Variants in PRKN observed in about 807,000 individuals in gnomAD.
PRKN encodes the protein parkin RBR E3 ubiquitin protein ligase.
In PRKN, 56 loss-of-function variants were observed where a neutral mutation model predicts 59.5. The ratio of observed to expected loss-of-function variants is 0.94; its 90% CI spans 0.76 to 1.18. The LOEUF (loss-of-function observed/expected upper bound fraction) is 1.18. PRKN is among the 50% of genes most tolerant of loss of function. The probability of loss-of-function intolerance (pLI) is 0.00; values close to 1 mark genes in which losing one functional copy is unlikely to be tolerated. For missense variants in PRKN, 657 were observed against 596.4 expected (o/e 1.10, Z -1.06); for synonymous variants, 250 against 222.1 (o/e 1.13, Z -1.12).
chr6:161,521,423 C>G (rs11967382), intron 9 of PRKN, among the ~76,000 whole-genome samples: 4 of 152,080 alleles, frequency 2.6e-5, no homozygotes, highest in Non-Finnish European at 1.5e-5. Context: ...TATGCAGAAA[C>G]TCAACTGCAC....
intron 1 of PRKN, among the ~76,000 whole-genome samples, chr6:162,604,095 A>G (rs1781811120): frequency 6.6e-6 from 1 of 152,134 alleles, no homozygotes; most frequent in African/African-American, 2.4e-5. Context: ...TGAGGACCAC[A>G]CTGCACCGCA....
chr6:162,262,872 G>A, intron 2 of PRKN, 107 bp from the exon 3 acceptor site: 9 of 1,442,960 alleles, frequency 6.2e-6, no homozygotes, highest in Non-Finnish European at 8.5e-6. Flanking sequence ...AAGCAAAAGT[G>A]ACATGTAACT....
intron 1 of PRKN, among the ~76,000 whole-genome samples, chr6:162,565,904 T>C (rs9458602): frequency 0.22 from 33,994 of 151,722 alleles, 4,540 homozygotes; most frequent in African/African-American, 0.38. Context: ...TCTATGCTAA[T>C]GGAAAACAAA....
chr6:162,234,923 G>A (rs1008284652), intron 3 of PRKN, among the ~76,000 whole-genome samples: 4 of 152,198 alleles, frequency 2.6e-5, no homozygotes, highest in Admixed American at 6.5e-5. Context: ...TGGGTGGTAA[G>A]TGATATTAAT....
intron 5 of PRKN, among the ~76,000 whole-genome samples, chr6:162,051,636 G>A (rs1243595666): frequency 6.6e-6 from 1 of 152,136 alleles, no homozygotes; most frequent in Non-Finnish European, 1.5e-5. Context: ...GGCCTTCGGG[G>A]GCGATGATGG....
chr6:161,515,312 C>A (rs1259683176), intron 9 of PRKN, among the ~76,000 whole-genome samples: 2 of 152,170 alleles, frequency 1.3e-5, no homozygotes, highest in Non-Finnish European at 1.5e-5. Context: ...CCAATAATAA[C>A]ACCGTATTAA....
chr6:162,429,231 T>C (rs1789390932), intron 2 of PRKN, among the ~76,000 whole-genome samples: 1 of 152,192 alleles, frequency 6.6e-6, no homozygotes, highest in Non-Finnish European at 1.5e-5. Context: ...AACCCAAGTT[T>C]CTTCTATCCT....
chr6:161,832,212 A>C (rs946197925), intron 6 of PRKN, among the ~76,000 whole-genome samples: 4 of 152,248 alleles, frequency 2.6e-5, no homozygotes, highest in Middle Eastern at 6.8e-3. Context: ...ATGTTTTAAA[A>C]CTCAAAATAA....
intron 6 of PRKN, among the ~76,000 whole-genome samples, chr6:161,920,158 C>A (rs188306545): frequency 6.6e-6 from 1 of 151,890 alleles, no homozygotes; most frequent in African/African-American, 2.4e-5. Context: ...CTAAGGCAGG[C>A]GGATCACTTA....
At chr6:161,432,508 G>A (rs975313388) in intron 9 of PRKN, among the ~76,000 whole-genome samples, 7 of 149,746 alleles carry the variant, frequency 4.7e-5, no homozygotes, top group East Asian at 3.9e-4. Flanking sequence ...GATTACAGGC[G>A]CCCGCCATCA....
intron 6 of PRKN, among the ~76,000 whole-genome samples, chr6:161,927,113 C>CA (rs1180187083): frequency 6.6e-6 from 1 of 152,124 alleles, no homozygotes; most frequent in African/African-American, 2.4e-5. Flanking sequence ...AAAAAATACA[C>CA]ATACACATGG....
chr6:162,631,992 A>T (rs1233969567), intron 1 of PRKN, among the ~76,000 whole-genome samples: 1 of 151,656 alleles, frequency 6.6e-6, no homozygotes, highest in African/African-American at 2.4e-5. Context: ...AAGTAAAAAA[A>T]AAAAAAAAAG....
intron 6 of PRKN, among the ~76,000 whole-genome samples, chr6:161,850,308 G>C (rs957081130): frequency 1.3e-5 from 2 of 152,114 alleles, no homozygotes; most frequent in Non-Finnish European, 2.9e-5. Context: ...AGCCAGGCGC[G>C]GCAGCTGACG....
chr6:162,727,652 A>C lies in PRKN; in HGVS notation c.7+10T>G, dbSNP rs2128243182. The C allele has an allele frequency of 6.3e-7, 1 of 1,585,130 alleles. No individual in the cohort carries two copies. The highest frequency in any genetic ancestry group is 8.6e-7 in the Non-Finnish European group (1 of 1,166,462). ...CGCAGAGAGGCTGTACCTGGCAGGT[A>C]CCCACGTACCTATCATGGTCACTGG... On this transcript the variant is annotated intron_variant, in intron 1 of 11. Transcript: ENST00000366898.
intron 5 of PRKN, among the ~76,000 whole-genome samples, chr6:162,053,429 TACA>T (rs1321710875): frequency 6.6e-6 from 1 of 152,110 alleles, no homozygotes; most frequent in Non-Finnish European, 1.5e-5. Flanking sequence ...GTTAAAAAAA[TACA>T]ACAATATACA....
chr6:162,619,634 T>C (rs1192692243), intron 1 of PRKN, among the ~76,000 whole-genome samples: 1 of 152,072 alleles, frequency 6.6e-6, no homozygotes, highest in Non-Finnish European at 1.5e-5. Flanking sequence ...CTTAGAATAT[T>C]TTACTTACAA....
At chr6:162,555,740 C>T (rs991804302) in intron 1 of PRKN, among the ~76,000 whole-genome samples, 19 of 152,112 alleles carry the variant, frequency 1.2e-4, no homozygotes, top group African/African-American at 4.3e-4. Context: ...GCTGTAATCC[C>T]AGCACTTTGG....
In PRKN at chr6:162,165,873, A is replaced by C. The variant is rs548662389; in HGVS notation, c.534+35258T>G. The stretch of plus-strand genomic sequence containing the variant: ...AGACCAGCCTGGCCAACATGGTGAA[A>C]CCCCTTCTCTACTAAAATACAAAAA... On this transcript the variant is annotated intron_variant, in intron 4 of 11. Transcript: ENST00000366898. 2.8e-4 allele frequency among the ~76,000 whole-genome samples: 43 copies of C among 151,952 alleles called. 1 individual carries two copies. The East Asian group carries it at 3.5e-3, about 12-fold the overall frequency.
At chr6:162,720,712 G>A (rs2849546) in intron 1 of PRKN, among the ~76,000 whole-genome samples, 125,654 of 151,326 alleles carry the variant, frequency 0.83, 52,487 homozygotes, top group East Asian at 0.98. Context: ...GGCCTCCCAA[G>A]GTGCTGGGAT....
Sources: allele counts gnomAD v4.1 joint callset (sites outside exome capture counted in the v4.1 genomes callset), GRCh38; gene constraint gnomAD v4.1.1; transcripts MANE v1.5; gene names NCBI Gene and HGNC (gene_info 2026-07-23, HGNC 2026-07-21).